The following BANK1 variants were observed in gnomAD, a reference collection of about 807,000 sequenced individuals.
BANK1 encodes the protein B cell scaffold protein with ankyrin repeats 1.
Under a neutral mutation model 94.5 loss-of-function variants are expected in BANK1, and 95 were observed. The observed-to-expected ratio is 1.00, with a 90% CI of 0.85 to 1.19. The LOEUF (loss-of-function observed/expected upper bound fraction) is 1.19. BANK1 is among the 50% of genes most tolerant of loss of function. The pLI is 0.00. For synonymous variants in BANK1, 334 were observed against 308.4 expected, an observed-to-expected ratio of 1.08 and a Z score of -0.87; for missense variants, 987 against 932.2, an observed-to-expected ratio of 1.06 and a Z score of -0.77.
intron 7 of BANK1, among the ~76,000 whole-genome samples, chr4:101,975,551 T>A (rs1288497113): frequency 1.3e-5 from 2 of 152,202 alleles, no homozygotes; most frequent in African/African-American, 2.4e-5. Context: ...GTTCTCTCTG[T>A]GTCTGTTTCC....
At chr4:101,822,962 T>A (rs1726231345) in intron 1 of BANK1, among the ~76,000 whole-genome samples, 1 of 152,174 alleles carries the variant, frequency 6.6e-6, no homozygotes, top group African/African-American at 2.4e-5. Context: ...TTAGGTTGAT[T>A]GCATGTCTTT....
chr4:102,073,611 C>CAT, intron 15 of BANK1, 73 bp from the exon 16 acceptor site: 1 of 1,380,356 alleles, frequency 7.2e-7, no homozygotes, highest in Non-Finnish European at 1.0e-6. Flanking sequence ...ATAACTTTGT[C>CAT]ATATTTCTTT....
chr4:102,013,104 G>A (rs1375850061), intron 7 of BANK1, among the ~76,000 whole-genome samples: 1 of 152,044 alleles, frequency 6.6e-6, no homozygotes, highest in African/African-American at 2.4e-5. Context: ...ATTTTAGAAT[G>A]CTCAAAAGCA....
chr4:101,830,816 C>G (rs1214341650), intron 2 of BANK1, among the ~76,000 whole-genome samples: 1 of 152,122 alleles, frequency 6.6e-6, no homozygotes, highest in Non-Finnish European at 1.5e-5. Flanking sequence ...CTTAGTCTGC[C>G]CTTTGCTCTC....
chr4:102,052,275 G>C (rs770293694), intron 11 of BANK1, among the ~76,000 whole-genome samples: 2 of 151,684 alleles, frequency 1.3e-5, no homozygotes, highest in Non-Finnish European at 2.9e-5. Flanking sequence ...GTGCTACCAC[G>C]ACCAGCTAAT....
chr4:101,999,147 A>G (rs1725976815), intron 7 of BANK1, among the ~76,000 whole-genome samples: 1 of 152,128 alleles, frequency 6.6e-6, no homozygotes, highest in South Asian at 2.1e-4. Context: ...TCACTGTGAA[A>G]TGCTGTGGTT....
Position 101,895,307 on chromosome 4 carries a change from T to C in BANK1, c.906T>C (p.Asn302=). 3 of 1,551,688 alleles carry C rather than the reference T, an allele frequency of 1.9e-6. No individual in the cohort carries two copies. Among genetic ancestry groups the C allele is most frequent in the Non-Finnish European group, 2.6e-6 (3 of 1,144,660 alleles). Residue 302 remains asparagine (N), a splice_region_variant and synonymous_variant, in exon 6 of 17, where the codon AAT becomes AAC. Transcript: ENST00000322953. ...TTTTCTTTTTCACTTGAAAACAGAA[T>C]AGCATTGAAGAACTTGATGGTGTCC... The part of the protein sequence containing the change: ...MADSGESLCQ[N]SIEELDGVLT...
At chr4:101,894,324 A>G (rs1001762195) in intron 5 of BANK1, among the ~76,000 whole-genome samples, 1 of 152,096 alleles carries the variant, frequency 6.6e-6, no homozygotes, top group Non-Finnish European at 1.5e-5. Flanking sequence ...TATGCATTAC[A>G]TAGCTACAAG....
At chr4:102,059,124 A>G (rs1728330810) in intron 11 of BANK1, among the ~76,000 whole-genome samples, 1 of 152,228 alleles carries the variant, frequency 6.6e-6, no homozygotes, top group African/African-American at 2.4e-5. Context: ...TAGAATTTGA[A>G]TGCCCTCCCC....
At chr4:101,860,000 T>G (rs541040701) in intron 3 of BANK1, among the ~76,000 whole-genome samples, 1 of 152,262 alleles carries the variant, frequency 6.6e-6, no homozygotes, top group Admixed American at 6.5e-5. Flanking sequence ...TGCTTTAGTG[T>G]TCCTTTGAAA....
In BANK1 at chr4:101,790,763, G is replaced by A. The variant is rs1046904362; in HGVS notation, c.-118G>A. ...GCCGCAGCCTCCGCGGGTGGCAAGC[G>A]GGCTGGGGAGAGCCGAGGGCCAAAG... On this transcript the variant is annotated 5_prime_UTR_variant, in exon 1 of 17. Transcript: ENST00000322953. The A allele has an allele frequency of 7.9e-6, 9 of 1,138,980 alleles. No homozygotes were observed. In the Admixed American group the frequency reaches 1.0e-4, roughly 13 times the overall value. 70.6% of individuals were successfully genotyped at this position (1,138,980 alleles called of 1,614,324 possible). A position where few individuals can be genotyped will look rare whatever the true frequency, so the allele number is the denominator to read the frequency against.
intron 5 of BANK1, among the ~76,000 whole-genome samples, chr4:101,881,279 G>A (rs559566368): frequency 3.4e-4 from 52 of 151,912 alleles, no homozygotes; most frequent in African/African-American, 1.2e-3. Flanking sequence ...AATCTAAATA[G>A]ACATTTCTCA....
chr4:101,880,431 G>A (rs1227551535), intron 5 of BANK1, among the ~76,000 whole-genome samples: 1 of 151,700 alleles, frequency 6.6e-6, no homozygotes, highest in Non-Finnish European at 1.5e-5. Flanking sequence ...ATAAAATGAA[G>A]AGATGAAAAA....
chr4:102,072,429 A>G (rs756658226), intron 15 of BANK1, 29 bp downstream of exon 15: 2 of 1,468,256 alleles, frequency 1.4e-6, no homozygotes, highest in Non-Finnish European at 1.9e-6. Flanking sequence ...GATTTCTATA[A>G]AATGCAAAGA....
intron 10 of BANK1, among the ~76,000 whole-genome samples, chr4:102,033,639 C>T (rs1279111209): frequency 1.3e-5 from 2 of 152,192 alleles, no homozygotes; most frequent in African/African-American, 4.8e-5. Flanking sequence ...ACTTATCTCA[C>T]CCATCCCAAG....
At chr4:101,860,905 GACTA>G (rs1315336383) in intron 3 of BANK1, among the ~76,000 whole-genome samples, 1 of 152,192 alleles carries the variant, frequency 6.6e-6, no homozygotes, top group Non-Finnish European at 1.5e-5. Flanking sequence ...AGAGGATCTT[GACTA>G]ACTGAGCCCA....
At chr4:101,892,539 A>G (rs9307266) in intron 5 of BANK1, among the ~76,000 whole-genome samples, 1 of 150,500 alleles carries the variant, frequency 6.6e-6, no homozygotes, top group South Asian at 2.1e-4. Context: ...ATATATATAT[A>G]TGTATATATT....
At chr4:102,021,697 G>A (rs183022395) in intron 8 of BANK1, 105 bp downstream of exon 8, 3 of 421,408 alleles carry the variant, frequency 7.1e-6, no homozygotes, top group South Asian at 9.7e-5. Flanking sequence ...TGAAGAGAAT[G>A]TGGCACGGTA....
chr4:101,991,728 G>C (rs1725713532), intron 7 of BANK1, among the ~76,000 whole-genome samples: 1 of 152,156 alleles, frequency 6.6e-6, no homozygotes, highest in African/African-American at 2.4e-5. Flanking sequence ...TGGGGGCAGT[G>C]GGGGTGGGGA....
Sources: allele counts gnomAD v4.1 joint callset (sites outside exome capture counted in the v4.1 genomes callset), GRCh38; gene constraint gnomAD v4.1.1; transcripts MANE v1.5; gene names NCBI Gene and HGNC (gene_info 2026-07-23, HGNC 2026-07-21).